KIAA1217: variants seen among roughly 807,000 people sequenced by gnomAD.
KIAA1217 encodes KIAA1217.
In KIAA1217, 88 loss-of-function variants were observed where a neutral mutation model predicts 163.9. The observed-to-expected ratio is 0.54, with a 90% CI of 0.45 to 0.64. The LOEUF (loss-of-function observed/expected upper bound fraction) is 0.64, where lower values mean the gene tolerates loss of function less well. Among genes scored for constraint, KIAA1217 ranks in the 30% least tolerant of loss-of-function variants. The pLI is 0.00. For synonymous variants in KIAA1217, 903 were observed against 923.1 expected (o/e 0.98, Z 0.39); for missense variants, 2,372 against 2,475.0 (o/e 0.96, Z 0.88).
At chr10:24,436,263 G>A (rs1460781890) in intron 4 of KIAA1217, among the ~76,000 whole-genome samples, 1 of 151,910 alleles carries the variant, frequency 6.6e-6, no homozygotes, top group African/African-American at 2.4e-5. Flanking sequence ...CAGTTACTTT[G>A]ATTTAAATAA....
intron 13 of KIAA1217, among the ~76,000 whole-genome samples, chr10:24,526,630 G>T (rs1592673876): frequency 6.6e-6 from 1 of 152,086 alleles, no homozygotes; most frequent in Admixed American, 6.5e-5. Context: ...TGGAGGCCTG[G>T]GTTTTTCTGC....
chr10:24,383,567 G>T (rs570193121), intron 3 of KIAA1217, among the ~76,000 whole-genome samples: 2 of 152,336 alleles, frequency 1.3e-5, no homozygotes, highest in Non-Finnish European at 2.9e-5. Flanking sequence ...TAGAGTGCCG[G>T]TGTGCTGTCA....
intron 3 of KIAA1217, among the ~76,000 whole-genome samples, chr10:24,386,439 G>A (rs1417824092): frequency 6.6e-6 from 1 of 152,170 alleles, no homozygotes; most frequent in Non-Finnish European, 1.5e-5. Context: ...GGAAATCAGG[G>A]CAAAGGAATT....
intron 2 of KIAA1217, among the ~76,000 whole-genome samples, chr10:24,262,353 C>T (rs1376714479): frequency 2.0e-5 from 3 of 152,092 alleles, no homozygotes; most frequent in Admixed American, 6.5e-5. Flanking sequence ...ATTGGCCGGG[C>T]GTGGTGGCTC....
chr10:24,413,585 T>C (rs2057992130), intron 3 of KIAA1217, among the ~76,000 whole-genome samples: 1 of 152,194 alleles, frequency 6.6e-6, no homozygotes, highest in South Asian at 2.1e-4. Context: ...GCCTCCACCA[T>C]GTGATCACCT....
At chr10:23,716,324 T>A (rs917975852) in intron 1 of KIAA1217, among the ~76,000 whole-genome samples, 1 of 152,182 alleles carries the variant, frequency 6.6e-6, no homozygotes, top group African/African-American at 2.4e-5. Flanking sequence ...TTCCTTTGCA[T>A]TGGTTTCTTA....
chr10:23,706,545 C>A (rs532814585), intron 1 of KIAA1217, among the ~76,000 whole-genome samples: 2 of 151,940 alleles, frequency 1.3e-5, no homozygotes, highest in Non-Finnish European at 2.9e-5. Flanking sequence ...GATTTTTATT[C>A]TTTATTATAT....
chr10:23,780,182 G>A (rs1036604852), intron 1 of KIAA1217, among the ~76,000 whole-genome samples: 5 of 152,180 alleles, frequency 3.3e-5, no homozygotes, highest in Admixed American at 3.3e-4. Flanking sequence ...ACAACATGAT[G>A]TTTTGATATA....
intron 2 of KIAA1217, among the ~76,000 whole-genome samples, chr10:24,184,915 A>G (rs1367589599): frequency 6.6e-6 from 1 of 152,178 alleles, no homozygotes; most frequent in African/African-American, 2.4e-5. Flanking sequence ...ATTATCTCAG[A>G]AAAAAATATG....
chr10:24,286,832 T>G (rs1036717627), intron 2 of KIAA1217, among the ~76,000 whole-genome samples: 5 of 152,112 alleles, frequency 3.3e-5, no homozygotes, highest in African/African-American at 1.2e-4. Context: ...GTCAAACATA[T>G]GACAAACAAA....
At chr10:24,420,205 T>A (rs1024136589) in intron 3 of KIAA1217, among the ~76,000 whole-genome samples, 5 of 152,234 alleles carry the variant, frequency 3.3e-5, no homozygotes, top group African/African-American at 1.2e-4. Flanking sequence ...TCCTCACCAG[T>A]ACTTGAGGCT....
intron 3 of KIAA1217, among the ~76,000 whole-genome samples, chr10:24,420,703 G>A (rs1231268154): frequency 6.6e-6 from 1 of 152,026 alleles, no homozygotes; most frequent in Non-Finnish European, 1.5e-5. Flanking sequence ...TTTTACTTAT[G>A]GTGTAAGAAA....
At chr10:23,790,696 TAC>T (rs982415985) in intron 1 of KIAA1217, among the ~76,000 whole-genome samples, 17 of 122,464 alleles carry the variant, frequency 1.4e-4, no homozygotes, top group African/African-American at 4.4e-4. Flanking sequence ...TATGTATATA[TAC>T]ACACACATAT....
intron 1 of KIAA1217, among the ~76,000 whole-genome samples, chr10:23,699,666 C>A (rs1836296056): frequency 6.6e-6 from 1 of 152,004 alleles, no homozygotes; most frequent in Non-Finnish European, 1.5e-5. Context: ...TCTTTGTCAC[C>A]CAGGCTGGAG....
intron 5 of KIAA1217, among the ~76,000 whole-genome samples, chr10:24,454,043 T>C (rs1328475835): frequency 6.6e-6 from 1 of 151,492 alleles, no homozygotes; most frequent in African/African-American, 2.4e-5. Context: ...AGGAACAGGG[T>C]AAAACTTGAT....
intron 2 of KIAA1217, among the ~76,000 whole-genome samples, chr10:24,095,296 T>A (rs1157049755): frequency 6.6e-6 from 1 of 152,118 alleles, no homozygotes; most frequent in South Asian, 2.1e-4. Context: ...GGTACCTCAG[T>A]TGGAAATGCA....
intron 2 of KIAA1217, among the ~76,000 whole-genome samples, chr10:24,122,876 T>C (rs1168334581): frequency 2.0e-5 from 3 of 151,712 alleles, no homozygotes; most frequent in African/African-American, 7.2e-5. Context: ...TCTTTTGACT[T>C]TTAAATATTT....
At chr10:24,243,659 T>TATAC (rs140041428) in intron 2 of KIAA1217, among the ~76,000 whole-genome samples, 56 of 151,188 alleles carry the variant, frequency 3.7e-4, no homozygotes, top group Middle Eastern at 7.0e-3. Context: ...TATATATATA[T>TATAC]ACACATCTAT....
At chr10:24,447,507 T>C (rs1189002352) in intron 5 of KIAA1217, among the ~76,000 whole-genome samples, 1 of 152,142 alleles carries the variant, frequency 6.6e-6, no homozygotes, top group Non-Finnish European at 1.5e-5. Flanking sequence ...TGTCCACACG[T>C]CTTAAGTGTC....
Sources: allele counts gnomAD v4.1 joint callset (sites outside exome capture counted in the v4.1 genomes callset), GRCh38; gene constraint gnomAD v4.1.1; transcripts MANE v1.5; gene names NCBI Gene and HGNC (gene_info 2026-07-23, HGNC 2026-07-21).